MAP3K21: variants seen among roughly 807,000 people sequenced by gnomAD.
MAP3K21 encodes the protein mitogen-activated protein kinase kinase kinase 21, also known as mitogen-activated protein kinase kinase kinase MLK4.
MAP3K21 carries 63 observed loss-of-function variants against 86.1 expected under a neutral mutation model. The observed-to-expected ratio is 0.73, with a 90% CI of 0.60 to 0.90. MAP3K21 has a LOEUF of 0.90. Among genes scored for constraint, MAP3K21 ranks in the 40% least tolerant of loss-of-function variants. The pLI, the probability that MAP3K21 is intolerant of heterozygous loss-of-function variation, is 0.00. For missense variants in MAP3K21, 1,220 were observed against 1,367.7 expected (o/e 0.89, Z 1.70); for synonymous variants, 558 against 564.8 (o/e 0.99, Z 0.17).
chr1:233,356,737 G>T (rs1663365361), intron 4 of MAP3K21, among the ~76,000 whole-genome samples: 1 of 152,134 alleles, frequency 6.6e-6, no homozygotes, highest in South Asian at 2.1e-4. Context: ...GTATTCTTAC[G>T]CAATGCAAAA....
intron 2 of MAP3K21, among the ~76,000 whole-genome samples, chr1:233,347,751 G>A (rs1196822998): frequency 5.3e-5 from 8 of 152,116 alleles, no homozygotes; most frequent in Non-Finnish European, 8.8e-5. Flanking sequence ...AAGGAGCGGG[G>A]AAAGGGCTGA....
rs937082752 is a variant in MAP3K21, at chr1:233,384,018, T to A, written c.*1307T>A. Reference sequence around the variant, plus strand: ...TTGGTAAATTTGCCTTGGTTTCTTATGTTAAATGTATTGTGCTTCCCTTCT... The same window carrying A: ...TTGGTAAATTTGCCTTGGTTTCTTAAGTTAAATGTATTGTGCTTCCCTTCT... On this transcript the variant is annotated 3_prime_UTR_variant, in exon 10 of 10. Coordinates refer to ENST00000366624, the MANE Select transcript of MAP3K21 (RefSeq NM_032435.3). The A allele has an allele frequency of 6.6e-6, 1 of 152,210 alleles. No homozygotes were observed. Among genetic ancestry groups the A allele is most frequent in the Non-Finnish European group, 1.5e-5 (1 of 68,020 alleles). The allele number at this position is 152,210 out of a possible 1,614,324, so 9.4% of individuals were successfully genotyped here. A position where few individuals can be genotyped will look rare whatever the true frequency, so the allele number is the denominator to read the frequency against.
chr1:233,366,946 A>C (rs1383161479), intron 5 of MAP3K21, among the ~76,000 whole-genome samples: 1 of 152,214 alleles, frequency 6.6e-6, no homozygotes, highest in African/African-American at 2.4e-5. Flanking sequence ...AATAATTTTA[A>C]AACAATACTT....
At chr1:233,337,586 C>T (rs1220184975) in intron 1 of MAP3K21, among the ~76,000 whole-genome samples, 3 of 152,002 alleles carry the variant, frequency 2.0e-5, no homozygotes, top group Non-Finnish European at 4.4e-5. Context: ...GGTATTTGTT[C>T]ATCTTGGTTG....
At chr1:233,369,911 G>A (rs1215880377) in intron 5 of MAP3K21, among the ~76,000 whole-genome samples, 2 of 152,192 alleles carry the variant, frequency 1.3e-5, no homozygotes, top group Non-Finnish European at 2.9e-5. Context: ...GCAGAAAGAA[G>A]AACTCAGGCT....
intron 1 of MAP3K21, among the ~76,000 whole-genome samples, chr1:233,339,407 C>CCTCCTCCTCCTCCTCCTCCTCCTT (rs1662991638): frequency 5.2e-5 from 2 of 38,414 alleles, no homozygotes; most frequent in Non-Finnish European, 9.3e-5. Flanking sequence ...TTCTCCTCCT[C>CCTCCTCCTCCTCCTCCTCCTCCTT]CTCCTCCTCC....
At chr1:233,345,894 C>G (rs1663130654) in intron 1 of MAP3K21, among the ~76,000 whole-genome samples, 2 of 152,106 alleles carry the variant, frequency 1.3e-5, no homozygotes, top group South Asian at 4.1e-4. Context: ...AAACCAGCAA[C>G]TGGATGACCA....
intron 9 of MAP3K21, among the ~76,000 whole-genome samples, chr1:233,381,650 T>C (rs146863175): frequency 0.011 from 1,692 of 152,334 alleles, 27 homozygotes; most frequent in African/African-American, 0.036. Context: ...TCAATAAGTA[T>C]TGGTAATTTA....
In MAP3K21 at chr1:233,379,609, C is replaced by T; in HGVS notation, c.2603C>T (p.Ser868Phe). Residue 868 changes from serine (S) to phenylalanine (F), a missense_variant, in exon 9 of 10, where the codon TCC becomes TTC. By Grantham distance (155) the Ser-to-Phe change is radical. Around this residue, in one of 5 missense-constraint regions of MAP3K21, gnomAD observed 632 missense variants for 691.3 expected, o/e 0.91. Coordinates refer to ENST00000366624, the MANE Select transcript of MAP3K21 (RefSeq NM_032435.3). ...DCSVSRNLPS[S>F]FLQQTCGNVP... ...AGTGTATCAAGAAACTTGCCGTCTT[C>T]CTTCCTACAGCAGACATGTGGGAAT... 6.2e-7 allele frequency: 1 copy of T among 1,614,126 alleles called. No homozygotes were observed. The highest frequency in any genetic ancestry group is 8.5e-7 in the Non-Finnish European group (1 of 1,180,024).
intron 1 of MAP3K21, among the ~76,000 whole-genome samples, chr1:233,344,907 A>G (rs181152128): frequency 1.2e-3 from 178 of 152,284 alleles, no homozygotes; most frequent in Non-Finnish European, 1.9e-3. Flanking sequence ...CAACCCCATC[A>G]AAAAGTGGGC....
chr1:233,339,064 A>G (rs1662967547), intron 1 of MAP3K21, among the ~76,000 whole-genome samples: 1 of 152,220 alleles, frequency 6.6e-6, no homozygotes, highest in African/African-American at 2.4e-5. Context: ...AGCTAGAAGT[A>G]AAGGGTAAAA....
chr1:233,378,903 C>T, intron 8 of MAP3K21, 28 bp from the exon 9 acceptor site: 3 of 1,468,964 alleles, frequency 2.0e-6, no homozygotes, highest in Non-Finnish European at 9.3e-7. Flanking sequence ...AATGATACTA[C>T]AGTGTATGTA....
intron 2 of MAP3K21, 116 bp from the exon 3 acceptor site, chr1:233,353,691 G>A: frequency 2.0e-6 from 2 of 998,296 alleles, no homozygotes; most frequent in Admixed American, 6.7e-5. Flanking sequence ...GGCTTTTCTG[G>A]AATAGAGTGT....
intron 4 of MAP3K21, among the ~76,000 whole-genome samples, chr1:233,358,473 G>GTTTT (rs58298146): frequency 0.28 from 39,008 of 141,308 alleles, 5,789 homozygotes; most frequent in East Asian, 0.44. Flanking sequence ...ACTCTAATTT[G>GTTTT]TTTTTTTTTT....
chr1:233,359,406 C>T (rs996256219), intron 4 of MAP3K21, among the ~76,000 whole-genome samples: 2 of 151,832 alleles, frequency 1.3e-5, no homozygotes, highest in African/African-American at 2.4e-5. Flanking sequence ...ATATATAATG[C>T]TTTTTTTTGG....
intron 5 of MAP3K21, among the ~76,000 whole-genome samples, chr1:233,363,420 G>A (rs1663504984): frequency 6.6e-6 from 1 of 152,168 alleles, no homozygotes; most frequent in Non-Finnish European, 1.5e-5. Context: ...TATGACATCT[G>A]GGTGCAGTGG....
At chr1:233,370,244 T>C (rs773143180) in intron 5 of MAP3K21, among the ~76,000 whole-genome samples, 30 of 152,210 alleles carry the variant, frequency 2.0e-4, no homozygotes, top group Non-Finnish European at 3.7e-4. Flanking sequence ...GAATTTTTCA[T>C]AGCAGTCCTG....
intron 2 of MAP3K21, among the ~76,000 whole-genome samples, chr1:233,347,303 C>T (rs1289676535): frequency 6.6e-6 from 1 of 152,184 alleles, no homozygotes; most frequent in Non-Finnish European, 1.5e-5. Flanking sequence ...TTATAGATTG[C>T]ATCATCTAAA....
At chr1:233,362,368 A>G in intron 5 of MAP3K21, 75 bp downstream of exon 5, 2 of 1,516,406 alleles carry the variant, frequency 1.3e-6, no homozygotes, top group Non-Finnish European at 1.8e-6. Context: ...GTTCATCAGA[A>G]CCAGGAAAGA....
Sources: gnomAD v4.1 joint callset for allele counts (sites outside exome capture counted in the v4.1 genomes callset) on GRCh38, gnomAD v4.1.1 for gene constraint, gnomAD v4.1.1 regional missense constraint, MANE v1.5 for transcripts, NCBI Gene and HGNC (gene_info 2026-07-23, HGNC 2026-07-21) for gene names.